Variants in RSPH14 observed in about 807,000 individuals in gnomAD.
RSPH14 encodes rhabdoid tumor deletion region gene 1.
A neutral mutation model predicts 26.7 loss-of-function variants in RSPH14; 20 were observed. The ratio of observed to expected loss-of-function variants is 0.75; its 90% confidence interval spans 0.53 to 1.09. The LOEUF is 1.09. RSPH14 is among the 50% of genes least tolerant of loss of function. RSPH14 has a pLI of 0.00. For synonymous variants in RSPH14, 177 were observed against 189.3 expected (o/e 0.93, Z 0.53); for missense variants, 449 against 457.2 (o/e 0.98, Z 0.16).
At chr22:23,165,117 A>C in the RSPH14 span, among the ~76,000 whole-genome samples, 1 of 152,214 alleles carries the variant, frequency 6.6e-6, no homozygotes, top group Non-Finnish European at 1.5e-5. Context: ...CCCAAGAGCC[A>C]GGACAGTGAC....
At chr22:23,135,993 T>A (rs2070473332) in intron 3 of RSPH14, 2 of 171,750 alleles carry the variant, frequency 1.2e-5, no homozygotes, top group South Asian at 4.0e-4. Context: ...ATAAATTTTA[T>A]TTATTTTATT....
chr22:23,168,413 C>T, the RSPH14 span, among the ~76,000 whole-genome samples: 3 of 152,180 alleles, frequency 2.0e-5, no homozygotes, highest in Admixed American at 6.5e-5. Context: ...GAGGAAGAAA[C>T]TCACAGCACA....
chr22:23,108,900 C>T (rs2069561982), intron 4 of RSPH14, among the ~76,000 whole-genome samples: 5 of 152,186 alleles, frequency 3.3e-5, no homozygotes, highest in South Asian at 4.1e-4. Context: ...CTCTGTCCTT[C>T]GAGGCAGGAG....
At chr22:23,124,129 C>G in intron 4 of RSPH14, 1 of 210,074 alleles carries the variant, frequency 4.8e-6, no homozygotes, top group South Asian at 5.3e-5. Context: ...AGCTGGGATT[C>G]CAGCTTTTCT....
intron 6 of RSPH14, among the ~76,000 whole-genome samples, chr22:23,060,730 C>T (rs1202931159): frequency 6.6e-6 from 1 of 152,128 alleles, no homozygotes; most frequent in African/African-American, 2.4e-5. Flanking sequence ...GGCGACTTGT[C>T]CCCTGTGTTT....
At chr22:23,147,994 C>G (rs752711095), upstream of RSPH14, among the ~76,000 whole-genome samples, 10 of 151,842 alleles carry the variant, frequency 6.6e-5, no homozygotes, top group Non-Finnish European at 1.2e-4. Flanking sequence ...ATATATAAGC[C>G]CCTACTCTCA....
intron 4 of RSPH14, among the ~76,000 whole-genome samples, chr22:23,078,384 T>C (rs1328796100): frequency 6.6e-6 from 1 of 152,180 alleles, no homozygotes; most frequent in Non-Finnish European, 1.5e-5. Context: ...TGCCCAGCCT[T>C]GCCCCACCCC....
chr22:23,096,560 C>T (rs1354085641), intron 4 of RSPH14: 8 of 855,128 alleles, frequency 9.4e-6, no homozygotes, highest in South Asian at 1.7e-5. Flanking sequence ...ATAACTGAGG[C>T]AGCTCCAGCA....
the RSPH14 span, among the ~76,000 whole-genome samples, chr22:23,151,107 G>A: frequency 3.4e-3 from 512 of 152,356 alleles, 4 homozygotes; most frequent in Non-Finnish European, 5.3e-3. Flanking sequence ...GGTCACAGAG[G>A]TGCGATGAGG....
At chr22:23,175,751 G>A in the RSPH14 span, among the ~76,000 whole-genome samples, 1,328 of 152,294 alleles carry the variant, frequency 8.7e-3, 22 homozygotes, top group African/African-American at 0.03. Context: ...CTGGGGTAGC[G>A]CTCAGGGCCC....
chr22:23,170,714 A>G, the RSPH14 span, among the ~76,000 whole-genome samples: 1 of 152,060 alleles, frequency 6.6e-6, no homozygotes, highest in Non-Finnish European at 1.5e-5. Context: ...GCCTGGTGAC[A>G]GAGCGAGACT....
intron 4 of RSPH14, among the ~76,000 whole-genome samples, chr22:23,085,199 G>A (rs927165074): frequency 1.3e-5 from 2 of 152,188 alleles, no homozygotes; most frequent in African/African-American, 4.8e-5. Context: ...TGTCCTCAGC[G>A]ATTCCTCACT....
chr22:23,145,330 C>T (rs1400190974), upstream of RSPH14: 1 of 1,587,594 alleles, frequency 6.3e-7, no homozygotes, highest in Admixed American at 1.7e-5. Flanking sequence ...TCTCTGCTGC[C>T]AGCCCCGCCC....
At chr22:23,122,999 C>T in intron 4 of RSPH14, 1 of 871,510 alleles carries the variant, frequency 1.1e-6, no homozygotes, top group Admixed American at 2.0e-5. Flanking sequence ...GAGACCCTAG[C>T]AAAGGCTTCC....
At chr22:23,083,031 G>A (rs561604236) in intron 4 of RSPH14, among the ~76,000 whole-genome samples, 41 of 152,290 alleles carry the variant, frequency 2.7e-4, no homozygotes, top group African/African-American at 9.9e-4. Flanking sequence ...CCAGGCAGGA[G>A]GCTCCAGGGA....
intron 4 of RSPH14, among the ~76,000 whole-genome samples, chr22:23,087,819 TC>T (rs1454244043): frequency 6.6e-6 from 1 of 152,154 alleles, no homozygotes; most frequent in Non-Finnish European, 1.5e-5. Flanking sequence ...GGCCAGTTGA[TC>T]CATCAAGTGC....
At chr22:23,061,748 G>C in intron 6 of RSPH14, 61 bp downstream of exon 6, 1 of 1,595,446 alleles carries the variant, frequency 6.3e-7, no homozygotes, top group East Asian at 2.3e-5. Context: ...AGTACAGAAA[G>C]CTCATCACGG....
upstream of RSPH14, chr22:23,146,756 A>C (rs1372258644): frequency 4.5e-6 from 7 of 1,571,472 alleles, no homozygotes; most frequent in Non-Finnish European, 6.1e-6. Flanking sequence ...CTCTACACTC[A>C]TGCCTAGAAG....
Position 23,070,822 on chromosome 22 carries a change from C to T in RSPH14, c.422-6689G>A, listed in dbSNP as rs1277944888. On this transcript the variant is annotated intron_variant, in intron 4 of 6. Coordinates refer to ENST00000216036, the MANE Select transcript of RSPH14 (RefSeq NM_014433.3). ...GGGATGCGCCGCCAAGCCGATGACC[C>T]CGCGGGAGGGGGCGGTTGAGGACCC... 5 of 152,070 alleles carry T rather than the reference C, an allele frequency of 3.3e-5. No homozygotes were observed. In the East Asian group the frequency reaches 9.7e-4, roughly 30 times the overall value. The allele number at this position is 152,070 out of a possible 1,614,324, so 9.4% of individuals were successfully genotyped here. A position where few individuals can be genotyped will look rare whatever the true frequency, so the allele number is the denominator to read the frequency against.
Sources: allele counts gnomAD v4.1 joint callset (sites outside exome capture counted in the v4.1 genomes callset), GRCh38; gene constraint gnomAD v4.1.1; transcripts MANE v1.5; gene names NCBI Gene and HGNC (gene_info 2026-07-23, HGNC 2026-07-21).